ZFHX3: variants seen among roughly 807,000 people sequenced by gnomAD.
ZFHX3 encodes zinc finger homeobox 3, also known as zinc finger homeobox protein 3.
ZFHX3 carries 42 observed loss-of-function variants against 279.1 expected under a neutral mutation model. That is an observed-to-expected ratio of 0.15 (90% CI 0.12 to 0.19). The LOEUF is 0.19. Among genes scored for constraint, ZFHX3 ranks in the 10% least tolerant of loss-of-function variants. The pLI is 1.00. For missense variants in ZFHX3, 4,981 were observed against 4,754.0 expected (o/e 1.05, Z -1.40); for synonymous variants, 2,293 against 1,957.8 (o/e 1.17, Z -4.52).
At chr16:73,364,515 T>A (rs533114161) in intron 3 of ZFHX3, among the ~76,000 whole-genome samples, 1 of 152,290 alleles carries the variant, frequency 6.6e-6, no homozygotes, top group African/African-American at 2.4e-5. Flanking sequence ...ATCACTCTAC[T>A]AAGCAAATAA....
At chr16:73,059,887 G>A (rs1172199254), upstream of ZFHX3, among the ~76,000 whole-genome samples, 1 of 152,088 alleles carries the variant, frequency 6.6e-6, no homozygotes, top group Non-Finnish European at 1.5e-5. Flanking sequence ...AGAGAGGAGG[G>A]GTGATTAGAA....
chr16:73,448,691 T>A lies in ZFHX3; in HGVS notation c.-1291+7312A>T, dbSNP rs867764841. ...GAAGGTGTATATTTATATACGTGTG[T>A]GTGTGTGTGTGTGTGTGTGTGTGTG... is the stretch of plus-strand genomic sequence containing the variant. On this transcript the variant is annotated intron_variant, in intron 3 of 17. Coordinates refer to the ZFHX3 transcript ENST00000641206. Among the ~76,000 whole-genome samples, 1,221 of 149,596 alleles carry A rather than the reference T, an allele frequency of 8.2e-3. 12 individuals are homozygous for A. The highest frequency in any genetic ancestry group is 0.028 in the African/African-American group (1,136 of 40,134).
intron 7 of ZFHX3, among the ~76,000 whole-genome samples, chr16:73,108,652 C>T (rs1463031786): frequency 6.6e-6 from 1 of 152,182 alleles, no homozygotes; most frequent in Non-Finnish European, 1.5e-5. Context: ...ACCTCTCTGG[C>T]CCCCTCCCCA....
intron 1 of ZFHX3, chr16:73,808,512 C>A (rs2034105682): frequency 6.6e-6 from 1 of 152,096 alleles, no homozygotes; most frequent in Non-Finnish European, 1.5e-5. Flanking sequence ...CAAGGTAAGG[C>A]AAGAAATAGA....
intron 1 of ZFHX3, among the ~76,000 whole-genome samples, chr16:73,002,492 G>A (rs1422632993): frequency 6.6e-6 from 1 of 152,112 alleles, no homozygotes; most frequent in East Asian, 1.9e-4. Context: ...GCTGAGGTGT[G>A]ATCTAAGTTT....
chr16:72,788,478 C>G lies in ZFHX3; in HGVS notation c.9798G>C (p.Thr3266=), dbSNP rs201619039. The change falls in exon 10 of 10, where the codon ACG becomes ACC. Residue 3266 remains threonine, a synonymous_variant. Transcript: ENST00000268489. The part of the protein sequence containing the change: ...VPKKEKGEAP[T]ATAATISAPL... Reference sequence around the variant, plus strand: ...GGGCTGAGATCGTGGCTGCAGTTGCCGTGGGGGCCTCTCCTTTCTCCTTCT... The same window carrying G: ...GGGCTGAGATCGTGGCTGCAGTTGCGGTGGGGGCCTCTCCTTTCTCCTTCT... 6.2e-7 allele frequency: 1 copy of G among 1,614,176 alleles called. No homozygotes were observed. Among genetic ancestry groups the G allele is most frequent in the South Asian group, 1.1e-5 (1 of 91,082 alleles).
chr16:73,551,235 A>G (rs1290924908), intron 2 of ZFHX3, among the ~76,000 whole-genome samples: 1 of 152,140 alleles, frequency 6.6e-6, no homozygotes, highest in African/African-American at 2.4e-5. Context: ...ATGAGAAGGG[A>G]AAATGCGAGG....
chr16:73,718,415 A>C (rs1217558627), intron 1 of ZFHX3, among the ~76,000 whole-genome samples: 2 of 151,942 alleles, frequency 1.3e-5, no homozygotes, highest in African/African-American at 4.8e-5. Context: ...TGTCTCAAAA[A>C]ATAAAACTAA....
intron 1 of ZFHX3, among the ~76,000 whole-genome samples, chr16:73,734,954 T>A (rs1439301554): frequency 6.6e-6 from 1 of 152,238 alleles, no homozygotes. Flanking sequence ...GGAGGAATGA[T>A]ATTTTCAAAA....
At chr16:73,376,033 A>G (rs2016717501) in intron 3 of ZFHX3, among the ~76,000 whole-genome samples, 1 of 152,228 alleles carries the variant, frequency 6.6e-6, no homozygotes, top group Non-Finnish European at 1.5e-5. Flanking sequence ...TCAGATGTAC[A>G]AAAGAAGGTA....
intron 5 of ZFHX3, among the ~76,000 whole-genome samples, chr16:72,821,578 C>T (rs1310622062): frequency 6.6e-6 from 1 of 152,150 alleles, no homozygotes; most frequent in Non-Finnish European, 1.5e-5. Context: ...TGCCTAAGGC[C>T]AAGTTCTCTT....
chr16:73,817,015 T>C (rs1567420081), intron 1 of ZFHX3, among the ~76,000 whole-genome samples: 3 of 152,110 alleles, frequency 2.0e-5, no homozygotes. Context: ...CTGGACATAA[T>C]GGTATGAGTA....
At chr16:73,443,227 T>TG (rs1271282159) in intron 3 of ZFHX3, among the ~76,000 whole-genome samples, 1 of 152,150 alleles carries the variant, frequency 6.6e-6, no homozygotes, top group African/African-American at 2.4e-5. Context: ...TTTGCAAGCA[T>TG]GGGGAGCAGC....
intron 1 of ZFHX3, among the ~76,000 whole-genome samples, chr16:73,042,323 G>C (rs1402042890): frequency 1.3e-5 from 2 of 152,122 alleles, no homozygotes; most frequent in East Asian, 1.9e-4. Flanking sequence ...CTCTGAACTA[G>C]AATCTTCCTA....
rs777484716 is a variant in ZFHX3 at position 73,839,326 on chromosome 16, CAAAAAAAAAAAAAAAAAAAAA to C, written c.-1608+52304_-1608+52324del. On this transcript the variant is annotated intron_variant, in intron 1 of 17. Coordinates refer to the ZFHX3 transcript ENST00000641206. The stretch of plus-strand genomic sequence containing the variant: ...GCAGCAACAGAGCAAGACTCCATCT[CAAAAAAAAAAAAAAAAAAAAA>C]AAAAAAAAAAAAAAAAAAAGTTAGG... Among the ~76,000 whole-genome samples, 30 of 30,050 alleles carry C rather than the reference CAAAAAAAAAAAAAAAAAAAAA, an allele frequency of 1.0e-3. No homozygotes were observed. In the East Asian group the frequency reaches 0.025, roughly 25 times the overall value. 19.7% of individuals were successfully genotyped at this position (30,050 alleles called of 152,430 possible).
At chr16:73,623,109 T>G (rs987356018) in intron 2 of ZFHX3, among the ~76,000 whole-genome samples, 2 of 151,928 alleles carry the variant, frequency 1.3e-5, no homozygotes, top group Non-Finnish European at 2.9e-5. Context: ...CTATCTCGGC[T>G]CACTGCAAGC....
At chr16:72,899,047 C>A (rs1437634721) in intron 3 of ZFHX3, among the ~76,000 whole-genome samples, 2 of 152,180 alleles carry the variant, frequency 1.3e-5, no homozygotes, top group Non-Finnish European at 1.5e-5. Flanking sequence ...CAGAATCTGA[C>A]AATCACCTCT....
At chr16:73,349,650 CTCCCTCCTTCCCTCT>C (rs1393406901) in intron 3 of ZFHX3, among the ~76,000 whole-genome samples, 299 of 15,242 alleles carry the variant, frequency 0.02, 44 homozygotes, top group Middle Eastern at 0.071. Context: ...CCCTCCCTCT[CTCCCTCCTTCCCTCT>C]CTCCCTCCTT....
intron 1 of ZFHX3, among the ~76,000 whole-genome samples, chr16:72,987,034 C>T (rs780519391): frequency 2.6e-5 from 4 of 152,116 alleles, no homozygotes; most frequent in Non-Finnish European, 4.4e-5. Context: ...CACCTGTAGC[C>T]CCAGTTACTC....
Sources: gnomAD v4.1 joint callset for allele counts (sites outside exome capture counted in the v4.1 genomes callset) on GRCh38, gnomAD v4.1.1 for gene constraint, MANE v1.5 for transcripts, NCBI Gene and HGNC (gene_info 2026-07-23, HGNC 2026-07-21) for gene names.